The following MAP3K1 variants were observed in gnomAD, a reference collection of about 807,000 sequenced individuals.
The protein encoded by MAP3K1 is MAP/ERK kinase kinase 1.
Under a neutral mutation model 144.2 loss-of-function variants are expected in MAP3K1, and 36 were observed. The observed-to-expected ratio is 0.25, with a 90% CI of 0.19 to 0.33. MAP3K1 has a LOEUF of 0.33. Among genes scored for constraint, MAP3K1 ranks in the 10% least tolerant of loss-of-function variants. The pLI is 1.00. For synonymous variants in MAP3K1, 718 were observed against 688.7 expected (o/e 1.04, Z -0.67); for missense variants, 1,650 against 1,881.9 (o/e 0.88, Z 2.28).
At chr5:56,816,717 G>A (rs932808941) in intron 1 of MAP3K1, among the ~76,000 whole-genome samples, 1 of 152,312 alleles carries the variant, frequency 6.6e-6, no homozygotes, top group East Asian at 1.9e-4. Flanking sequence ...TGTCAAAGCC[G>A]TGCGGCGGGA....
At position 56,872,154 on chromosome 5, in the gene MAP3K1, A is replaced by C. The variant is rs1335689359; in HGVS notation, c.1423+123A>C. 5 of 1,237,576 alleles carry C rather than the reference A, an allele frequency of 4.0e-6. 1 individual carries two copies. The African/African-American group carries it at 7.4e-5, about 18-fold the overall frequency. 76.7% of individuals were successfully genotyped at this position (1,237,576 alleles called of 1,614,324 possible). A position where few individuals can be genotyped will look rare whatever the true frequency, so the allele number is the denominator to read the frequency against. On this transcript the variant is annotated intron_variant, in intron 7 of 19. Transcript: ENST00000399503. ...TGAGAGAATAAAAAAAGTATATCTAAGTCCTAAGTCCTATGTGAAAAGTTT... is the reference window on the plus strand; with the variant it reads ...TGAGAGAATAAAAAAAGTATATCTACGTCCTAAGTCCTATGTGAAAAGTTT...
chr5:56,872,627 C>G lies in MAP3K1; in HGVS notation c.1424-14C>G. On this transcript the variant is annotated splice_polypyrimidine_tract_variant and intron_variant, in intron 7 of 19. Transcript: ENST00000399503. ...TTTACATTTTTGTAAGATTTTGTTT[C>G]TGTAATTTTTCAGGGGCAGAAGAGT... 5 of 1,485,198 alleles carry G rather than the reference C, an allele frequency of 3.4e-6. No individual in the cohort carries two copies. Among genetic ancestry groups the G allele is most frequent in the African/African-American group, 1.4e-5 (1 of 72,444 alleles). The allele number at this position is 1,485,198 out of a possible 1,614,324, so 92.0% of individuals were successfully genotyped here.
chr5:56,822,227 G>A (rs774391898), intron 1 of MAP3K1, among the ~76,000 whole-genome samples: 14 of 152,182 alleles, frequency 9.2e-5, no homozygotes, highest in Non-Finnish European at 1.9e-4. Flanking sequence ...GTTTCACCAT[G>A]TTGGCCAGGC....
At position 56,894,057 on chromosome 5, in the gene MAP3K1, A is replaced by G. The variant is rs968770407; in HGVS notation, c.*377A>G. 3 of 363,320 alleles carry G rather than the reference A, an allele frequency of 8.3e-6. No individual in the cohort carries two copies. The highest frequency in any genetic ancestry group is 6.0e-5 in the African/African-American group (3 of 49,616). 22.5% of individuals were successfully genotyped at this position (363,320 alleles called of 1,614,324 possible). ...AATATTTCAATTATTCTTCCATTTC[A>G]TATAGTGATCACAAGCAGGGGGTTC... On this transcript the variant is annotated 3_prime_UTR_variant, in exon 20 of 20. Coordinates refer to ENST00000399503, the MANE Select transcript of MAP3K1 (RefSeq NM_005921.2).
chr5:56,868,191 A>G (rs1298166107), intron 6 of MAP3K1, among the ~76,000 whole-genome samples: 1 of 152,194 alleles, frequency 6.6e-6, no homozygotes, highest in Non-Finnish European at 1.5e-5. Flanking sequence ...GCCAAAGACG[A>G]TATATAAATG....
rs755413206 is a variant in MAP3K1 at position 56,882,340 on chromosome 5, C to A, written c.3140C>A (p.Thr1047Asn). 1.2e-6 allele frequency: 2 copies of A among 1,614,194 alleles called. No individual in the cohort carries two copies. Among genetic ancestry groups the A allele is most frequent in the Non-Finnish European group, 1.7e-6 (2 of 1,180,036 alleles). Residue 1047 changes from threonine (T) to asparagine (N), a missense_variant, in exon 14 of 20, where the codon ACT becomes AAT. Coordinates refer to ENST00000399503, the MANE Select transcript of MAP3K1 (RefSeq NM_005921.2). ...TCAGATAAACTTTCCCCAGTCTTTA[C>A]TCAGTCAAGACCCTTGCCCTCCAGT... ...KDSDKLSPVF[T>N]QSRPLPSSNI...
intron 1 of MAP3K1, among the ~76,000 whole-genome samples, chr5:56,839,799 G>A (rs1314951700): frequency 6.6e-6 from 1 of 152,164 alleles, no homozygotes; most frequent in Non-Finnish European, 1.5e-5. Context: ...CCCTGCAACG[G>A]GATGACATCC....
intron 1 of MAP3K1, among the ~76,000 whole-genome samples, chr5:56,837,905 A>G (rs912108959): frequency 6.6e-6 from 1 of 152,176 alleles, no homozygotes; most frequent in Non-Finnish European, 1.5e-5. Flanking sequence ...GGGAGGCTGA[A>G]GGCAGCACCT....
intron 1 of MAP3K1, among the ~76,000 whole-genome samples, chr5:56,844,457 G>C (rs1321926317): frequency 6.6e-6 from 1 of 152,098 alleles, no homozygotes; most frequent in Non-Finnish European, 1.5e-5. Flanking sequence ...GGGATTACAG[G>C]TGTGAGCCAC....
chr5:56,827,559 G>A (rs912827704), intron 1 of MAP3K1, among the ~76,000 whole-genome samples: 3 of 152,198 alleles, frequency 2.0e-5, no homozygotes, highest in African/African-American at 7.2e-5. Flanking sequence ...ACCATGCACT[G>A]TAGTGATTAA....
At chr5:56,873,598 T>G (rs560003823) in intron 9 of MAP3K1, among the ~76,000 whole-genome samples, 84 of 152,306 alleles carry the variant, frequency 5.5e-4, no homozygotes, top group Non-Finnish European at 9.1e-4. Flanking sequence ...TTTTCTTGGT[T>G]GTTGAATGCT....
chr5:56,886,268 G>T (rs554026149), intron 17 of MAP3K1, among the ~76,000 whole-genome samples: 17 of 152,212 alleles, frequency 1.1e-4, no homozygotes, highest in African/African-American at 3.6e-4. Context: ...ACAGGGTAAG[G>T]TGGCGCATGC....
rs1579758060 is a variant in MAP3K1 at position 56,863,160 on chromosome 5, C to T, written c.835-1574C>T. Among the ~76,000 whole-genome samples, 4 of 152,310 alleles carry T rather than the reference C, an allele frequency of 2.6e-5. 1 individual carries two copies. The highest frequency in any genetic ancestry group is 2.6e-4 in the Admixed American group (4 of 15,302). On this transcript the variant is annotated intron_variant, in intron 3 of 19. Transcript: ENST00000399503. ...CAGCTGATTCCTTTGCTTTGCTTTG[C>T]TTTGTGTTCAGCCTGTAAAAGCTGG...
Position 56,882,681 on chromosome 5 carries a change from G to T in MAP3K1, c.3481G>T (p.Ala1161Ser), listed in dbSNP as rs1314273601. Reference sequence around the variant, plus strand: ...AGTTGCTGTCCTGTCTCCTGAAAAGGCTGAAAATGATGATACCTACAAAGA... The same window carrying T: ...AGTTGCTGTCCTGTCTCCTGAAAAGTCTGAAAATGATGATACCTACAAAGA... ...SEVAVLSPEKAENDDTYKDDV... is the reference protein window; with the variant it reads ...SEVAVLSPEKSENDDTYKDDV... Residue 1161 changes from alanine (A) to serine (S), a missense_variant, in exon 14 of 20, where the codon GCT becomes TCT. Physicochemically the swap from Ala to Ser is moderately conservative, Grantham distance 99. Transcript: ENST00000399503. 1 of 1,614,022 alleles carries T rather than the reference G, an allele frequency of 6.2e-7. No homozygotes were observed. The highest frequency in any genetic ancestry group is 1.7e-5 in the Admixed American group (1 of 59,992).
At chr5:56,869,061 C>T (rs1187537580) in intron 6 of MAP3K1, among the ~76,000 whole-genome samples, 1 of 148,828 alleles carries the variant, frequency 6.7e-6, no homozygotes, top group Non-Finnish European at 1.5e-5. Context: ...CCAGCCTGGG[C>T]AACATAGTGT....
At chr5:56,819,430 A>C (rs1257430908) in intron 1 of MAP3K1, among the ~76,000 whole-genome samples, 5 of 71,206 alleles carry the variant, frequency 7.0e-5, no homozygotes, top group Admixed American at 1.2e-4. Context: ...TTTTGCTTTC[A>C]ACAAGAGCAA....
chr5:56,881,224 C>T lies in MAP3K1; in HGVS notation c.2321C>T (p.Pro774Leu), dbSNP rs781612069. 1 of 1,613,666 alleles carries T rather than the reference C, an allele frequency of 6.2e-7. No homozygotes were observed. Among genetic ancestry groups the T allele is most frequent in the Non-Finnish European group, 8.5e-7 (1 of 1,179,884 alleles). The change falls in exon 13 of 20, where the codon CCT (proline) becomes CTT (leucine). Residue 774 changes from proline to leucine, a missense_variant. Pro to Leu is a moderately conservative substitution (Grantham distance 98). This residue lies in a region of MAP3K1 where 841 missense variants were observed against 886.5 expected (regional missense o/e 0.95). Coordinates refer to ENST00000399503, the MANE Select transcript of MAP3K1 (RefSeq NM_005921.2). ...LLLEFPAEFY[P>L]HIVSTDVSQA... ...TTGGAATTTCCTGCTGAATTTTATC[C>T]TCATATTGTCAGTACTGATGTTTCA...
chr5:56,859,310 A>G (rs1178577696), intron 2 of MAP3K1, among the ~76,000 whole-genome samples: 1 of 152,210 alleles, frequency 6.6e-6, no homozygotes. Context: ...AAACGTACCT[A>G]GATCTTTGAT....
At chr5:56,864,523 T>C (rs1747616334) in intron 3 of MAP3K1, among the ~76,000 whole-genome samples, 2 of 152,006 alleles carry the variant, frequency 1.3e-5, no homozygotes, top group African/African-American at 4.8e-5. Flanking sequence ...TACAGGCATG[T>C]GCCATCACAC....
Sources: allele counts gnomAD v4.1 joint callset (sites outside exome capture counted in the v4.1 genomes callset), GRCh38; gene constraint gnomAD v4.1.1; regional missense constraint gnomAD v4.1.1; transcripts MANE v1.5; gene names NCBI Gene and HGNC (gene_info 2026-07-23, HGNC 2026-07-21).